STK3: variants seen among roughly 807,000 people sequenced by gnomAD.
STK3 encodes the protein serine/threonine-protein kinase 3.
A neutral mutation model predicts 58.0 loss-of-function variants in STK3; 41 were observed. The observed-to-expected ratio is 0.71, with a 90% CI of 0.55 to 0.92. The LOEUF (loss-of-function observed/expected upper bound fraction) is 0.92, where lower values mean the gene tolerates loss of function less well. Ranked by LOEUF, STK3 falls within the 40% of genes least tolerant of loss-of-function variation. The probability of loss-of-function intolerance (pLI) is 0.00; values close to 1 mark genes in which losing one functional copy is unlikely to be tolerated. For missense variants in STK3, 479 were observed against 602.7 expected (o/e 0.79, Z 2.15); for synonymous variants, 170 against 191.0 (o/e 0.89, Z 0.91).
chr8:98,360,871 C>A, the STK3 span, among the ~76,000 whole-genome samples: 1 of 152,198 alleles, frequency 6.6e-6, no homozygotes, highest in African/African-American at 2.4e-5. Context: ...TCAGCTACTT[C>A]TATGCAAAAT....
chr8:98,416,364 G>GTTTTTTTTTTT (rs57447680), intron 3 of STK3, among the ~76,000 whole-genome samples: 2 of 79,536 alleles, frequency 2.5e-5, no homozygotes, highest in African/African-American at 5.0e-5. Context: ...GTTTGAAACT[G>GTTTTTTTTTTT]TTTTTTTTTT....
At chr8:98,730,112 T>C (rs1828069179) in intron 4 of STK3, among the ~76,000 whole-genome samples, 1 of 152,230 alleles carries the variant, frequency 6.6e-6, no homozygotes, top group African/African-American at 2.4e-5. Context: ...TGTCTGTCAC[T>C]GGAGTTGAGA....
At chr8:98,752,669 A>G (rs1324360667) in intron 3 of STK3, among the ~76,000 whole-genome samples, 1 of 152,170 alleles carries the variant, frequency 6.6e-6, no homozygotes, top group Non-Finnish European at 1.5e-5. Flanking sequence ...GATAACTTAC[A>G]AAATGAAAGA....
chr8:98,404,166 C>G (rs1205063589), intron 3 of STK3, among the ~76,000 whole-genome samples: 1 of 152,162 alleles, frequency 6.6e-6, no homozygotes, highest in Non-Finnish European at 1.5e-5. Flanking sequence ...TGTCCTTTTG[C>G]CAGAAAAACT....
chr8:98,828,509 A>T (rs538291049), upstream of STK3, among the ~76,000 whole-genome samples: 5 of 151,614 alleles, frequency 3.3e-5, no homozygotes, highest in South Asian at 1.0e-3. Context: ...TGTAGTCCCA[A>T]CTACTAGGCT....
Position 98,428,074 on chromosome 8 carries a change from C to T in STK3, n.483+6053G>A, listed in dbSNP as rs1436279030. ...GGCGGCTTCAAGAGGAGGCTGCGCT[C>T]GCACACGCTGCTGCGCTTCCCCGAG... On this transcript the variant is annotated intron_variant and non_coding_transcript_variant, in intron 3 of 3. Transcript: ENST00000517832. This position sits in a 1 kb window ranked among gnomAD's most constrained non-coding sequence, Gnocchi z 6.7. 1 of 1,613,434 alleles carries T rather than the reference C, an allele frequency of 6.2e-7. No individual in the cohort carries two copies. Among genetic ancestry groups the T allele is most frequent in the Non-Finnish European group, 8.5e-7 (1 of 1,179,828 alleles).
At chr8:98,463,416 A>G (rs1203422766) in intron 10 of STK3, among the ~76,000 whole-genome samples, 1 of 152,150 alleles carries the variant, frequency 6.6e-6, no homozygotes, top group African/African-American at 2.4e-5. Context: ...ACGCAAATTA[A>G]TAACTCAGTT....
At chr8:98,556,526 A>C (rs956716428) in intron 8 of STK3, among the ~76,000 whole-genome samples, 4 of 152,118 alleles carry the variant, frequency 2.6e-5, no homozygotes, top group African/African-American at 9.7e-5. Flanking sequence ...GGCATTCTAA[A>C]CTGCAGAAAT....
At chr8:98,744,123 A>G (rs1220451283) in intron 4 of STK3, among the ~76,000 whole-genome samples, 1 of 152,148 alleles carries the variant, frequency 6.6e-6, no homozygotes, top group Non-Finnish European at 1.5e-5. Flanking sequence ...ACACTTTTAC[A>G]CTGTTGATGG....
chr8:98,905,489 A>G, intron 1 of STK3: 1 of 1,204,566 alleles, frequency 8.3e-7, no homozygotes, highest in Non-Finnish European at 1.2e-6. Context: ...TGTTCACCCC[A>G]TGAAGCTTGT....
At chr8:98,749,103 T>C (rs1187972951) in intron 4 of STK3, among the ~76,000 whole-genome samples, 173 bp downstream of exon 4, 3 of 151,980 alleles carry the variant, frequency 2.0e-5, no homozygotes, top group African/African-American at 4.8e-5. Context: ...CCTAAATTTG[T>C]TACAGAAAGA....
intron 10 of STK3, among the ~76,000 whole-genome samples, chr8:98,457,458 CA>C (rs1297857654): frequency 6.6e-6 from 1 of 152,200 alleles, no homozygotes; most frequent in Non-Finnish European, 1.5e-5. Context: ...CTGTGTTCTT[CA>C]ACATCATCTC....
chr8:98,783,651 T>G (rs1334411480), intron 1 of STK3, among the ~76,000 whole-genome samples: 1 of 152,174 alleles, frequency 6.6e-6, no homozygotes, highest in Non-Finnish European at 1.5e-5. Context: ...CCAAAAGATT[T>G]CTCTATAGCA....
downstream of STK3, among the ~76,000 whole-genome samples, chr8:98,398,979 T>C (rs1817920549): frequency 6.6e-6 from 1 of 152,234 alleles, no homozygotes; most frequent in African/African-American, 2.4e-5. Flanking sequence ...CTGTCCCTAG[T>C]GTGGACTCTC....
chr8:98,703,906 C>G (rs556881785), intron 6 of STK3, among the ~76,000 whole-genome samples: 1 of 152,188 alleles, frequency 6.6e-6, no homozygotes, highest in Non-Finnish European at 1.5e-5. Flanking sequence ...ATACCCCCCA[C>G]AAAACTACTG....
intron 6 of STK3, among the ~76,000 whole-genome samples, chr8:98,629,567 G>A (rs1042630121): frequency 6.6e-6 from 1 of 152,090 alleles, no homozygotes; most frequent in African/African-American, 2.4e-5. Context: ...CTACTGATTC[G>A]AAAATAAATG....
chr8:98,652,202 C>T (rs749812599), intron 6 of STK3, among the ~76,000 whole-genome samples: 9 of 152,218 alleles, frequency 5.9e-5, no homozygotes, highest in South Asian at 2.1e-4. Context: ...AAAGAATTTT[C>T]AAACCAGAAT....
chr8:98,541,092 G>T (rs1048977165), intron 9 of STK3, among the ~76,000 whole-genome samples: 9 of 152,130 alleles, frequency 5.9e-5, no homozygotes, highest in Admixed American at 6.5e-5. Flanking sequence ...TCACTTTTGT[G>T]GTGTTGTGGG....
intron 3 of STK3, among the ~76,000 whole-genome samples, chr8:98,843,477 T>C (rs1285438838): frequency 3.3e-5 from 5 of 152,232 alleles, no homozygotes; most frequent in African/African-American, 1.2e-4. Flanking sequence ...TGTCAGCTGC[T>C]TCCTAAGACT....
Sources: gnomAD v4.1 joint callset for allele counts (sites outside exome capture counted in the v4.1 genomes callset) on GRCh38, gnomAD v4.1.1 for gene constraint, Gnocchi (gnomAD v3.1) non-coding constraint, MANE v1.5 for transcripts, NCBI Gene and HGNC (gene_info 2026-07-23, HGNC 2026-07-21) for gene names.